RBPMS: variants seen among roughly 807,000 people sequenced by gnomAD.
The protein encoded by RBPMS is RNA binding protein, mRNA processing factor, also known as RNA-binding protein with multiple splicing.
Under a neutral mutation model 26.8 loss-of-function variants are expected in RBPMS, and 7 were observed. That is an observed-to-expected ratio of 0.26 (90% confidence interval 0.15 to 0.49). The LOEUF (loss-of-function observed/expected upper bound fraction) is 0.49. Ranked by LOEUF, RBPMS falls within the 20% of genes least tolerant of loss-of-function variation. RBPMS has a pLI of 0.98. For missense variants in RBPMS, 186 were observed against 250.0 expected (o/e 0.74, Z 1.73); for synonymous variants, 96 against 93.3 (o/e 1.03, Z -0.17).
Position 30,385,241 on chromosome 8 carries a change from G to A in RBPMS, c.66+83G>A, listed in dbSNP as rs1806884853. ...GCGGGGCGCGGGCCCGGGGCGCGGC[G>A]GTGGAAGAAGGTTCAGGCATGGCCC... On this transcript the variant is annotated intron_variant, in intron 1 of 8. Coordinates refer to ENST00000397323, the MANE Select transcript of RBPMS (RefSeq NM_001008710.3). 7.3e-6 allele frequency: 7 copies of A among 962,654 alleles called. 1 individual carries two copies. The highest frequency in any genetic ancestry group is 8.5e-6 in the Non-Finnish European group (6 of 703,992). 59.6% of individuals were successfully genotyped at this position (962,654 alleles called of 1,614,324 possible).
intron 5 of RBPMS, among the ~76,000 whole-genome samples, chr8:30,535,307 C>T (rs7018462): frequency 0.24 from 35,746 of 152,102 alleles, 4,668 homozygotes; most frequent in East Asian, 0.4. Flanking sequence ...GTGTGCCAGA[C>T]ATATGTGCTA....
At chr8:30,514,787 T>C (rs1299634456) in intron 5 of RBPMS, among the ~76,000 whole-genome samples, 1 of 146,366 alleles carries the variant, frequency 6.8e-6, no homozygotes, top group Non-Finnish European at 1.5e-5. Context: ...TGGCCTCCCA[T>C]AGTGCTGGGA....
chr8:30,527,066 C>G (rs905186191), intron 5 of RBPMS, among the ~76,000 whole-genome samples: 1 of 152,200 alleles, frequency 6.6e-6, no homozygotes, highest in Non-Finnish European at 1.5e-5. Context: ...TTTCCCAGTT[C>G]TCTCTCCACC....
chr8:30,416,057 G>GC (rs756624242), intron 1 of RBPMS, among the ~76,000 whole-genome samples: 1 of 152,176 alleles, frequency 6.6e-6, no homozygotes, highest in East Asian at 1.9e-4. Context: ...GATGTAGAGT[G>GC]TTGTTTCCCA....
chr8:30,498,640 GTAAA>G (rs1051515609), intron 4 of RBPMS, among the ~76,000 whole-genome samples: 1 of 152,286 alleles, frequency 6.6e-6, no homozygotes, highest in African/African-American at 2.4e-5. Flanking sequence ...ACAAAAAACT[GTAAA>G]TAAATATAAG....
chr8:30,553,384 G>A (rs943827701), intron 6 of RBPMS: 2 of 152,216 alleles, frequency 1.3e-5, no homozygotes, highest in Admixed American at 1.3e-4. Flanking sequence ...CAATCTTTTT[G>A]TATTGCACAT....
chr8:30,474,184 A>C (rs1585588130), intron 1 of RBPMS, among the ~76,000 whole-genome samples: 4 of 152,310 alleles, frequency 2.6e-5, no homozygotes, highest in African/African-American at 9.6e-5. Flanking sequence ...GAGTTAATGC[A>C]TTTTGGTTAC....
intron 1 of RBPMS, among the ~76,000 whole-genome samples, chr8:30,456,487 C>T (rs1449719464): frequency 9.6e-6 from 1 of 103,638 alleles, no homozygotes; most frequent in Non-Finnish European, 2.2e-5. Context: ...ACATTAACCA[C>T]ACTAAAAAGA....
intron 2 of RBPMS, among the ~76,000 whole-genome samples, 167 bp from the exon 3 acceptor site, chr8:30,477,626 GGTGTGT>G (rs35290433): frequency 6.6e-6 from 1 of 151,544 alleles, no homozygotes; most frequent in South Asian, 2.1e-4. Context: ...AATGCAAACA[GGTGTGT>G]GTGTGTGTGT....
At chr8:30,488,657 A>T (rs1250185894) in intron 4 of RBPMS, among the ~76,000 whole-genome samples, 1 of 152,222 alleles carries the variant, frequency 6.6e-6, no homozygotes, top group African/African-American at 2.4e-5. Flanking sequence ...ATTTATCTGT[A>T]GAGGTGTTTA....
intron 4 of RBPMS, among the ~76,000 whole-genome samples, chr8:30,480,715 T>C (rs1170941314): frequency 6.6e-6 from 1 of 152,244 alleles, no homozygotes; most frequent in Non-Finnish European, 1.5e-5. Context: ...TTGAATGTTT[T>C]GATATAAAAG....
intron 1 of RBPMS, chr8:30,442,925 A>G (rs543826087): frequency 6.6e-6 from 1 of 152,276 alleles, no homozygotes; most frequent in African/African-American, 2.4e-5. Flanking sequence ...ACTTGGCGAT[A>G]AGCTCTCCGA....
Position 30,434,334 on chromosome 8 carries a change from T to C in RBPMS, c.67-40445T>C, listed in dbSNP as rs550598143. Among the ~76,000 whole-genome samples the C allele has an allele frequency of 7.9e-5, 12 of 152,122 alleles. No homozygotes were observed. The East Asian group carries it at 2.3e-3, about 29-fold the overall frequency. ...AAATGAGGAGTATCAAAGATTGTTA[T>C]GGGAGAGTGGGGGTAGGGGAGTTAC... On this transcript the variant is annotated intron_variant, in intron 1 of 8. Coordinates refer to ENST00000397323, the MANE Select transcript of RBPMS (RefSeq NM_001008710.3).
At chr8:30,517,948 A>G (rs1288283821) in intron 5 of RBPMS, among the ~76,000 whole-genome samples, 1 of 152,184 alleles carries the variant, frequency 6.6e-6, no homozygotes, top group Non-Finnish European at 1.5e-5. Flanking sequence ...GCTGGAGCTC[A>G]TGATCCAGTG....
intron 4 of RBPMS, among the ~76,000 whole-genome samples, chr8:30,487,968 G>A (rs532434833): frequency 1.6e-4 from 24 of 151,976 alleles, no homozygotes; most frequent in South Asian, 4.2e-4. Flanking sequence ...GCCATTGTGC[G>A]GCAAGTTAAT....
At chr8:30,454,641 T>C (rs1466785998) in intron 1 of RBPMS, among the ~76,000 whole-genome samples, 1 of 152,222 alleles carries the variant, frequency 6.6e-6, no homozygotes, top group Non-Finnish European at 1.5e-5. Context: ...AATAAATGTG[T>C]TGGCCTCTAA....
chr8:30,386,325 G>C (rs889895930), intron 1 of RBPMS, among the ~76,000 whole-genome samples: 11 of 152,198 alleles, frequency 7.2e-5, no homozygotes, highest in Non-Finnish European at 1.5e-4. Flanking sequence ...TCTGCACATT[G>C]TCCACTTGGA....
chr8:30,515,505 T>C (rs767253782), intron 5 of RBPMS, among the ~76,000 whole-genome samples: 13 of 152,200 alleles, frequency 8.5e-5, no homozygotes, highest in Non-Finnish European at 1.3e-4. Flanking sequence ...TATGTTACAA[T>C]AGATTTAATT....
At chr8:30,446,902 C>T (rs773186863) in intron 1 of RBPMS, 1 of 151,128 alleles carries the variant, frequency 6.6e-6, no homozygotes, top group Non-Finnish European at 1.5e-5. Context: ...GTATTTTGCC[C>T]AAGGTGACTT....
Sources: allele counts gnomAD v4.1 joint callset (sites outside exome capture counted in the v4.1 genomes callset), GRCh38; gene constraint gnomAD v4.1.1; transcripts MANE v1.5; gene names NCBI Gene and HGNC (gene_info 2026-07-23, HGNC 2026-07-21).